EFNA5: variants seen among roughly 807,000 people sequenced by gnomAD.
The protein encoded by EFNA5 is ephrin A5.
EFNA5 carries 5 observed loss-of-function variants against 22.9 expected under a neutral mutation model. The observed-to-expected ratio is 0.22, with a 90% CI of 0.11 to 0.46. The LOEUF (loss-of-function observed/expected upper bound fraction) is 0.46, where lower values mean the gene tolerates loss of function less well. Ranked by LOEUF, EFNA5 falls within the 20% of genes least tolerant of loss-of-function variation. The probability of loss-of-function intolerance (pLI) is 0.99; values close to 1 mark genes in which losing one functional copy is unlikely to be tolerated. For missense variants in EFNA5, 237 were observed against 293.3 expected, an observed-to-expected ratio of 0.81 and a Z score of 1.40; for synonymous variants, 113 against 112.2, an observed-to-expected ratio of 1.01 and a Z score of -0.04.
intron 1 of EFNA5, among the ~76,000 whole-genome samples, chr5:107,630,855 A>AT (rs1465203198): frequency 1.3e-5 from 2 of 151,950 alleles, no homozygotes; most frequent in Admixed American, 6.6e-5. Flanking sequence ...ATGAAAATTT[A>AT]TTTTTTTACT....
chr5:107,416,010 A>G (rs560910466), intron 2 of EFNA5, among the ~76,000 whole-genome samples: 44 of 152,322 alleles, frequency 2.9e-4, no homozygotes, highest in Non-Finnish European at 1.0e-4. Flanking sequence ...CTGAAAAATG[A>G]CTCAGGGCAC....
chr5:107,479,878 T>C lies in EFNA5; in HGVS notation c.126-52369A>G, dbSNP rs116226542. On this transcript the variant is annotated intron_variant, in intron 1 of 4. Transcript: ENST00000333274. Reference sequence around the variant, plus strand: ...CTCATGGTCTTAATTTGCTACACTATCTTAAAGTAATGGAAAAAATGCACA... The same window carrying C: ...CTCATGGTCTTAATTTGCTACACTACCTTAAAGTAATGGAAAAAATGCACA... Among the ~76,000 whole-genome samples the C allele has an allele frequency of 7.8e-3, 1,180 of 152,068 alleles. 19 individuals carry two copies. Among genetic ancestry groups the C allele is most frequent in the African/African-American group, 0.027 (1,138 of 41,474 alleles).
chr5:107,538,179 T>A (rs1430467159), intron 1 of EFNA5, among the ~76,000 whole-genome samples: 1 of 152,208 alleles, frequency 6.6e-6, no homozygotes, highest in Non-Finnish European at 1.5e-5. Flanking sequence ...CCAATTTTCA[T>A]TTAGTACGTA....
chr5:107,588,183 T>C (rs1180653538), intron 1 of EFNA5, among the ~76,000 whole-genome samples: 1 of 152,150 alleles, frequency 6.6e-6, no homozygotes, highest in Non-Finnish European at 1.5e-5. Flanking sequence ...TTCTACTTGC[T>C]GCTTATGTTG....
chr5:107,593,983 T>A (rs976132700), intron 1 of EFNA5, among the ~76,000 whole-genome samples: 1 of 152,216 alleles, frequency 6.6e-6, no homozygotes, highest in Non-Finnish European at 1.5e-5. Flanking sequence ...CATAAAATAG[T>A]TATTTGATTA....
At chr5:107,496,355 AAAAAAAC>A (rs1561412640) in intron 1 of EFNA5, among the ~76,000 whole-genome samples, 3 of 140,776 alleles carry the variant, frequency 2.1e-5, no homozygotes, top group African/African-American at 5.2e-5. Flanking sequence ...AAAAAAAAAC[AAAAAAAC>A]AAAAAACAAC....
At chr5:107,604,494 ATAACT>A (rs1749671397) in intron 1 of EFNA5, among the ~76,000 whole-genome samples, 1 of 152,226 alleles carries the variant, frequency 6.6e-6, no homozygotes, top group Non-Finnish European at 1.5e-5. Flanking sequence ...AGTGAAGGAA[ATAACT>A]TAATTCAGCA....
intron 1 of EFNA5, among the ~76,000 whole-genome samples, chr5:107,482,014 T>C (rs890739311): frequency 2.0e-5 from 3 of 151,904 alleles, no homozygotes; most frequent in Non-Finnish European, 2.9e-5. Context: ...ATGTGCTACA[T>C]AAAAATAAAT....
chr5:107,392,684 G>A (rs1036325921), intron 2 of EFNA5, among the ~76,000 whole-genome samples: 3 of 152,182 alleles, frequency 2.0e-5, no homozygotes, highest in Non-Finnish European at 4.4e-5. Flanking sequence ...ATACAATGCT[G>A]TACACTAACA....
At chr5:107,492,930 G>A (rs1746854140) in intron 1 of EFNA5, among the ~76,000 whole-genome samples, 2 of 151,296 alleles carry the variant, frequency 1.3e-5, no homozygotes, top group Non-Finnish European at 2.9e-5. Flanking sequence ...ACCGGGAGGC[G>A]GAGGTTGCAG....
intron 1 of EFNA5, among the ~76,000 whole-genome samples, chr5:107,522,547 T>C (rs1336700421): frequency 6.6e-6 from 1 of 152,186 alleles, no homozygotes; most frequent in East Asian, 1.9e-4. Context: ...TATAGGCACG[T>C]GCCACCACAT....
intron 1 of EFNA5, among the ~76,000 whole-genome samples, chr5:107,456,415 C>T (rs1165463498): frequency 6.6e-6 from 1 of 152,164 alleles, no homozygotes; most frequent in East Asian, 1.9e-4. Context: ...GCACTGTCAT[C>T]TATCCATGCA....
chr5:107,629,780 G>C (rs889343758), intron 1 of EFNA5, among the ~76,000 whole-genome samples: 1 of 152,212 alleles, frequency 6.6e-6, no homozygotes, highest in Non-Finnish European at 1.5e-5. Flanking sequence ...GATGTGGCTA[G>C]GCATGGTGGC....
intron 1 of EFNA5, among the ~76,000 whole-genome samples, chr5:107,647,093 A>C (rs1289549991): frequency 1.3e-5 from 2 of 152,158 alleles, no homozygotes; most frequent in Non-Finnish European, 2.9e-5. Context: ...CACCCTGACA[A>C]TATAAAACAC....
intron 1 of EFNA5, among the ~76,000 whole-genome samples, chr5:107,477,129 C>A: frequency 6.6e-6 from 1 of 151,964 alleles, no homozygotes; most frequent in Admixed American, 6.6e-5. Context: ...AAAAGAGAAA[C>A]ATCACACAGT....
At position 107,539,479 on chromosome 5, in the gene EFNA5, GAA is replaced by G. The variant is rs536848534; in HGVS notation, c.126-111972_126-111971del. Among the ~76,000 whole-genome samples the G allele has an allele frequency of 9.2e-5, 14 of 152,294 alleles. No homozygotes were observed. In the South Asian group the frequency reaches 2.9e-3, roughly 32 times the overall value. On this transcript the variant is annotated intron_variant, in intron 1 of 4. Coordinates refer to ENST00000333274, the MANE Select transcript of EFNA5 (RefSeq NM_001962.3). ...ACTTGGAAAACTGTCTCAAAAAAAA[GAA>G]AAAGTCTTGCTCTTTTGCCCAGGCT... is the stretch of plus-strand genomic sequence containing the variant.
intron 1 of EFNA5, among the ~76,000 whole-genome samples, chr5:107,658,735 T>C (rs1159955195): frequency 6.6e-6 from 1 of 152,170 alleles, no homozygotes; most frequent in Non-Finnish European, 1.5e-5. Context: ...CAATGTCATC[T>C]GGGAGCTTGT....
At chr5:107,514,837 A>G (rs913664961) in intron 1 of EFNA5, among the ~76,000 whole-genome samples, 1 of 151,990 alleles carries the variant, frequency 6.6e-6, no homozygotes, top group Non-Finnish European at 1.5e-5. Context: ...ACCTCTCCTT[A>G]TGATATAGGA....
intron 1 of EFNA5, among the ~76,000 whole-genome samples, chr5:107,576,235 A>G (rs573760303): frequency 2.0e-5 from 3 of 152,216 alleles, no homozygotes; most frequent in Non-Finnish European, 4.4e-5. Context: ...TTAAGTGAGA[A>G]AAGTTACATC....
Sources: gnomAD v4.1 joint callset for allele counts (sites outside exome capture counted in the v4.1 genomes callset) on GRCh38, gnomAD v4.1.1 for gene constraint, MANE v1.5 for transcripts, NCBI Gene and HGNC (gene_info 2026-07-23, HGNC 2026-07-21) for gene names.